Variants in EPHX2 observed in about 807,000 individuals in gnomAD.
The protein encoded by EPHX2 is epoxide hydrolase 2.
In EPHX2, 74 loss-of-function variants were observed where a neutral mutation model predicts 78.7. That is an observed-to-expected ratio of 0.94 (90% CI 0.78 to 1.14). The LOEUF is 1.14. EPHX2 is among the 50% of genes most tolerant of loss of function. The pLI is 0.00. For synonymous variants in EPHX2, 251 were observed against 255.2 expected (o/e 0.98, Z 0.16); for missense variants, 715 against 702.5 (o/e 1.02, Z -0.20).
intron 9 of EPHX2, among the ~76,000 whole-genome samples, chr8:27,518,759 G>T (rs1302158773): frequency 1.3e-5 from 2 of 152,204 alleles, no homozygotes; most frequent in Admixed American, 6.5e-5. Context: ...AGCTTCATGC[G>T]CTGGCTTTGG....
chr8:27,515,572 A>G (rs1814415542), intron 6 of EPHX2, 146 bp from the exon 7 acceptor site: 1 of 644,458 alleles, frequency 1.6e-6, no homozygotes, highest in Admixed American at 2.8e-5. Flanking sequence ...ATTTTCATGT[A>G]ACACTGGGGT....
At chr8:27,501,369 CTT>C (rs374782365) in intron 2 of EPHX2, among the ~76,000 whole-genome samples, 14 of 120,578 alleles carry the variant, frequency 1.2e-4, no homozygotes, top group African/African-American at 3.7e-4. Flanking sequence ...TCTTCTTCTT[CTT>C]CTTCTTCTTC....
At chr8:27,511,988 A>C in intron 6 of EPHX2, 78 bp downstream of exon 6, 1 of 1,404,190 alleles carries the variant, frequency 7.1e-7, no homozygotes, top group South Asian at 1.2e-5. Flanking sequence ...GACACCCAAG[A>C]GGCTGAGCTG....
At chr8:27,528,374 A>C (rs1447706536) in intron 12 of EPHX2, among the ~76,000 whole-genome samples, 1 of 152,126 alleles carries the variant, frequency 6.6e-6, no homozygotes, top group East Asian at 1.9e-4. Context: ...CACTGGAACC[A>C]CTCAATAGGT....
intron 9 of EPHX2, among the ~76,000 whole-genome samples, chr8:27,519,056 A>G (rs1004080763): frequency 5.9e-5 from 9 of 152,322 alleles, no homozygotes; most frequent in Admixed American, 4.6e-4. Flanking sequence ...AACAAACAAG[A>G]TGGTGCTCCC....
chr8:27,531,575 C>T (rs2132780337), intron 12 of EPHX2, among the ~76,000 whole-genome samples: 1 of 152,320 alleles, frequency 6.6e-6, no homozygotes, highest in South Asian at 2.1e-4. Context: ...GTAGACGGAG[C>T]ATGAAACAGA....
chr8:27,520,313 C>T (rs1289354653), intron 9 of EPHX2, among the ~76,000 whole-genome samples: 7 of 150,950 alleles, frequency 4.6e-5, no homozygotes, highest in Non-Finnish European at 1.0e-4. Context: ...TTACAGGCGC[C>T]GGCCACCGTG....
In EPHX2 at chr8:27,544,752, C is replaced by T; in HGVS notation, c.*230C>T. 1.8e-6 allele frequency: 1 copy of T among 566,708 alleles called. No homozygotes were observed. The highest frequency in any genetic ancestry group is 1.9e-5 in the African/African-American group (1 of 53,452). The allele number at this position is 566,708 out of a possible 1,614,324, so 35.1% of individuals were successfully genotyped here. A position where few individuals can be genotyped will look rare whatever the true frequency, so the allele number is the denominator to read the frequency against. On this transcript the variant is annotated 3_prime_UTR_variant, in exon 19 of 19. Coordinates refer to ENST00000521400, the MANE Select transcript of EPHX2 (RefSeq NM_001979.6). ...AGTTCTCCAGGCATGAATGCATCGT[C>T]CCTTTATCTGTAAGAACCCTTAGTG...
chr8:27,524,577 C>T (rs1814759012), intron 11 of EPHX2, among the ~76,000 whole-genome samples: 1 of 152,180 alleles, frequency 6.6e-6, no homozygotes, highest in Non-Finnish European at 1.5e-5. Context: ...TGGCTTCTAG[C>T]CACGCAGACT....
At position 27,491,188 on chromosome 8, in the gene EPHX2, C is replaced by T. The variant is rs1472331651; in HGVS notation, c.-21C>T. The T allele has an allele frequency of 1.3e-6, 2 of 1,562,856 alleles. No homozygotes were observed. Among genetic ancestry groups the T allele is most frequent in the African/African-American group, 1.4e-5 (1 of 73,004 alleles). On this transcript the variant is annotated 5_prime_UTR_variant, in exon 1 of 19. Coordinates refer to ENST00000521400, the MANE Select transcript of EPHX2 (RefSeq NM_001979.6). ...CCCAGGTTAGCTGCGTGTCCGGGTG[C>T]TAGGCTGCAGACCCGCCGCCATGAC...
At chr8:27,511,730 G>T (rs1814255464) in intron 5 of EPHX2, 106 bp from the exon 6 acceptor site, 2 of 1,171,038 alleles carry the variant, frequency 1.7e-6, no homozygotes, top group African/African-American at 1.5e-5. Flanking sequence ...TCAGGATGGA[G>T]TGGAAAAGGT....
At chr8:27,516,998 C>T (rs771287128) in intron 8 of EPHX2, among the ~76,000 whole-genome samples, 3 of 149,276 alleles carry the variant, frequency 2.0e-5, no homozygotes, top group Non-Finnish European at 4.4e-5. Flanking sequence ...TAGCTCACTG[C>T]AACCTCTGCC....
chr8:27,546,444 A>G (rs1341221865), downstream of EPHX2, among the ~76,000 whole-genome samples: 2 of 152,156 alleles, frequency 1.3e-5, no homozygotes, highest in Non-Finnish European at 2.9e-5. Context: ...CCATGCCACC[A>G]CCATCTCAAT....
intron 3 of EPHX2, among the ~76,000 whole-genome samples, chr8:27,504,523 A>G (rs1813923449): frequency 1.3e-5 from 2 of 152,252 alleles, no homozygotes; most frequent in Non-Finnish European, 2.9e-5. Context: ...TGTTTTCAGT[A>G]GCATGGACTA....
downstream of EPHX2, among the ~76,000 whole-genome samples, chr8:27,546,197 G>A (rs527669425): frequency 9.2e-5 from 14 of 151,568 alleles, no homozygotes; most frequent in Middle Eastern, 0.01. Context: ...TTAGGCCTCC[G>A]GTCAGCTGCA....
intron 12 of EPHX2, among the ~76,000 whole-genome samples, chr8:27,536,547 G>C (rs59683646): frequency 0.013 from 1,959 of 152,236 alleles, 39 homozygotes; most frequent in African/African-American, 0.045. Context: ...AAAACACAAA[G>C]AAAGTGGCAT....
Position 27,540,668 on chromosome 8 carries a change from A to G in EPHX2, c.1379+12A>G, listed in dbSNP as rs1180050084. On this transcript the variant is annotated intron_variant, in intron 15 of 18. Transcript: ENST00000521400. ...AAGTCTGGTTTCAGGTAAAGAGAGC[A>G]CAGGGCCCAGACACAGATGAGAGAT... 1.2e-6 allele frequency: 2 copies of G among 1,611,508 alleles called. No individual in the cohort carries two copies. The highest frequency in any genetic ancestry group is 2.2e-5 in the South Asian group (2 of 91,028).
At chr8:27,530,762 C>CTTTTTTTTTTTTT (rs11343503) in intron 12 of EPHX2, among the ~76,000 whole-genome samples, 1 of 127,356 alleles carries the variant, frequency 7.9e-6, no homozygotes, top group Non-Finnish European at 1.6e-5. Context: ...TAATTTTTTT[C>CTTTTTTTTTTTTT]TTTTTTTTTT....
rs539360462 is a variant in EPHX2, at chr8:27,522,962, CAAAAAAA to C, written c.1058+473_1058+479del. ...GGTGACAAGAGTGAAACTCCGTTTC[CAAAAAAA>C]AAAAAAAAAAAAAAAAAAGGGCCTA... On this transcript the variant is annotated intron_variant, in intron 11 of 18. Coordinates refer to ENST00000521400, the MANE Select transcript of EPHX2 (RefSeq NM_001979.6). Among the ~76,000 whole-genome samples the C allele has an allele frequency of 4.8e-5, 3 of 62,682 alleles. No individual in the cohort carries two copies. The Admixed American group carries it at 6.1e-4, about 13-fold the overall frequency. The allele number at this position is 62,682 out of a possible 152,430, so 41.1% of individuals were successfully genotyped here.
Sources: gnomAD v4.1 joint callset for allele counts (sites outside exome capture counted in the v4.1 genomes callset) on GRCh38, gnomAD v4.1.1 for gene constraint, MANE v1.5 for transcripts, NCBI Gene and HGNC (gene_info 2026-07-23, HGNC 2026-07-21) for gene names.